GALNT2: variants seen among roughly 807,000 people sequenced by gnomAD.
GALNT2 encodes UDP-GalNAc:polypeptide N-acetylgalactosaminyltransferase 2.
GALNT2 carries 31 observed loss-of-function variants against 81.4 expected under a neutral mutation model. The observed-to-expected ratio is 0.38, with a 90% CI of 0.29 to 0.51. The LOEUF is 0.51. Among genes scored for constraint, GALNT2 ranks in the 20% least tolerant of loss-of-function variants. The pLI, the probability that GALNT2 is intolerant of heterozygous loss-of-function variation, is 0.87. For synonymous variants in GALNT2, 303 were observed against 287.4 expected (o/e 1.05, Z -0.55); for missense variants, 629 against 765.7 (o/e 0.82, Z 2.11).
intron 3 of GALNT2, among the ~76,000 whole-genome samples, chr1:230,217,406 A>G (rs951744288): frequency 6.6e-6 from 1 of 152,208 alleles, no homozygotes; most frequent in Admixed American, 6.5e-5. Context: ...TGCCAGGCCT[A>G]TCTAAAGGAC....
intron 1 of GALNT2, among the ~76,000 whole-genome samples, chr1:230,073,722 G>A (rs1453543866): frequency 6.6e-6 from 1 of 152,200 alleles, no homozygotes; most frequent in Non-Finnish European, 1.5e-5. Flanking sequence ...CACTGAGGCG[G>A]GCTGTCACAA....
At chr1:230,085,612 T>C (rs1024332406) in intron 1 of GALNT2, among the ~76,000 whole-genome samples, 7 of 152,208 alleles carry the variant, frequency 4.6e-5, no homozygotes, top group Admixed American at 3.3e-4. Flanking sequence ...TCATTAGGGG[T>C]CTGGCATGAT....
chr1:230,072,734 C>A (rs1395204112), intron 1 of GALNT2, among the ~76,000 whole-genome samples: 1 of 152,202 alleles, frequency 6.6e-6, no homozygotes, highest in Non-Finnish European at 1.5e-5. Context: ...GCCTTGAGAC[C>A]CCCTGAGTGC....
At chr1:230,064,479 C>A (rs1235430111), upstream of GALNT2, among the ~76,000 whole-genome samples, 1 of 152,178 alleles carries the variant, frequency 6.6e-6, no homozygotes, top group African/African-American at 2.4e-5. Context: ...TGTTTGCCTA[C>A]AACCTTGACA....
At chr1:230,165,897 G>A (rs947150903) in intron 1 of GALNT2, among the ~76,000 whole-genome samples, 4 of 152,230 alleles carry the variant, frequency 2.6e-5, no homozygotes, top group African/African-American at 9.6e-5. Flanking sequence ...TAGGCATGAT[G>A]TGAATGTGCT....
chr1:230,171,654 TA>T (rs1662797788), intron 1 of GALNT2, among the ~76,000 whole-genome samples: 1 of 152,244 alleles, frequency 6.6e-6, no homozygotes, highest in Non-Finnish European at 1.5e-5. Flanking sequence ...ATGTCTCCGT[TA>T]ACAAATATGA....
intron 1 of GALNT2, among the ~76,000 whole-genome samples, chr1:230,138,076 C>T (rs1484403265): frequency 6.6e-6 from 1 of 152,122 alleles, no homozygotes; most frequent in African/African-American, 2.4e-5. Context: ...TTTTCCAGAC[C>T]TCTGTCTGTG....
chr1:230,233,397 G>A (rs1388761741), intron 3 of GALNT2, among the ~76,000 whole-genome samples: 3 of 152,146 alleles, frequency 2.0e-5, no homozygotes, highest in Non-Finnish European at 4.4e-5. Flanking sequence ...GGCAGATCAC[G>A]AGGTCAGGAG....
intron 13 of GALNT2, 163 bp downstream of exon 13, chr1:230,263,168 T>C: frequency 1.6e-6 from 1 of 623,268 alleles, no homozygotes; most frequent in Non-Finnish European, 2.8e-6. Context: ...GAGCTGAGAA[T>C]CTGCTCCCAA....
chr1:230,154,616 T>C (rs1662191797), intron 1 of GALNT2, among the ~76,000 whole-genome samples: 1 of 152,150 alleles, frequency 6.6e-6, no homozygotes. Context: ...GTATGACTGG[T>C]GTCCTTATGA....
chr1:230,105,541 G>A (rs1445506412), intron 1 of GALNT2, among the ~76,000 whole-genome samples: 9 of 152,148 alleles, frequency 5.9e-5, no homozygotes, highest in East Asian at 1.9e-4. Flanking sequence ...TGGTCCCTGC[G>A]GTTCAGTGAA....
chr1:230,252,137 G>A (rs905077788), intron 10 of GALNT2, among the ~76,000 whole-genome samples: 1 of 152,168 alleles, frequency 6.6e-6, no homozygotes, highest in African/African-American at 2.4e-5. Context: ...AGAGCTTCAC[G>A]TGAGAAGGCC....
In GALNT2 at chr1:230,280,074, G is replaced by T. The variant is rs1666396264; in HGVS notation, c.*616G>T. 1.3e-5 allele frequency: 6 copies of T among 449,874 alleles called. No individual in the cohort carries two copies. The highest frequency in any genetic ancestry group is 2.7e-5 in the Non-Finnish European group (6 of 222,572). 27.9% of individuals were successfully genotyped at this position (449,874 alleles called of 1,614,324 possible). On this transcript the variant is annotated 3_prime_UTR_variant, in exon 16 of 16. Coordinates refer to ENST00000366672, the MANE Select transcript of GALNT2 (RefSeq NM_004481.5). The stretch of plus-strand genomic sequence containing the variant: ...GACACTAAATATAAAGCTATATAGA[G>T]AAAGAATGTACGGTCAGTTCCCTAT...
At chr1:230,192,610 A>AT (rs1469288256) in intron 2 of GALNT2, among the ~76,000 whole-genome samples, 2 of 152,270 alleles carry the variant, frequency 1.3e-5, no homozygotes, top group Admixed American at 6.5e-5. Context: ...AAGAAGAGAT[A>AT]TAGGATGATT....
intron 1 of GALNT2, among the ~76,000 whole-genome samples, chr1:230,131,656 C>T (rs569754054): frequency 6.6e-6 from 1 of 152,306 alleles, no homozygotes; most frequent in South Asian, 2.1e-4. Context: ...TCCGCTGCAC[C>T]AGCCAAGTAG....
intron 2 of GALNT2, among the ~76,000 whole-genome samples, chr1:230,187,077 G>T (rs945106007): frequency 4.6e-5 from 7 of 152,158 alleles, no homozygotes; most frequent in Admixed American, 4.6e-4. Flanking sequence ...TGTGTGTTGG[G>T]CATGTAGCAG....
At position 230,279,341 on chromosome 1, in the gene GALNT2, C is replaced by T. The variant is rs189158780; in HGVS notation, c.1599C>T (p.His533=). 26 of 1,614,122 alleles carry T rather than the reference C, an allele frequency of 1.6e-5. No homozygotes were observed. Among genetic ancestry groups the T allele is most frequent in the Middle Eastern group, 1.7e-4 (1 of 6,058 alleles). Residue 533 remains histidine (H), a synonymous_variant, in exon 16 of 16, where the codon CAC becomes CAT. Coordinates refer to ENST00000366672, the MANE Select transcript of GALNT2 (RefSeq NM_004481.5). This position sits in a 1 kb window ranked among gnomAD's most constrained non-coding sequence, Gnocchi z 4.6. ...EQIEGNSKLR[H]VGSNLCLDSR... ...TCGAGGGCAACTCCAAGCTGAGGCACGTGGGCAGCAACCTGTGCCTGGACA... is the reference window on the plus strand; with the variant it reads ...TCGAGGGCAACTCCAAGCTGAGGCATGTGGGCAGCAACCTGTGCCTGGACA...
intron 1 of GALNT2, among the ~76,000 whole-genome samples, chr1:230,073,534 C>G (rs1459491123): frequency 6.6e-6 from 1 of 152,080 alleles, no homozygotes. Context: ...TAGTATGGGC[C>G]CCAGAAGCAT....
At chr1:230,263,072 G>T (rs777345213) in intron 13 of GALNT2, 67 bp downstream of exon 13, 2 of 1,344,228 alleles carry the variant, frequency 1.5e-6, no homozygotes. Context: ...CATAGAAGCA[G>T]CAGAGGGGAA....
Sources: allele counts gnomAD v4.1 joint callset (sites outside exome capture counted in the v4.1 genomes callset), GRCh38; gene constraint gnomAD v4.1.1; non-coding constraint Gnocchi (gnomAD v3.1); transcripts MANE v1.5; gene names NCBI Gene and HGNC (gene_info 2026-07-23, HGNC 2026-07-21).